Variants in EVC2 observed in about 807,000 individuals in gnomAD.
The protein encoded by EVC2 is limbin.
In EVC2, 148 loss-of-function variants were observed where a neutral mutation model predicts 149.3. That is an observed-to-expected ratio of 0.99 (90% CI 0.87 to 1.14). The LOEUF (loss-of-function observed/expected upper bound fraction) is 1.14. Among genes scored for constraint, EVC2 ranks in the 50% most tolerant of loss-of-function variants. The pLI is 0.00. For synonymous variants in EVC2, 776 were observed against 649.9 expected, an observed-to-expected ratio of 1.19 and a Z score of -2.95; for missense variants, 1,854 against 1,627.3, an observed-to-expected ratio of 1.14 and a Z score of -2.40.
At chr4:5,583,736 GT>G (rs1325450838) in intron 17 of EVC2, among the ~76,000 whole-genome samples, 1 of 147,386 alleles carries the variant, frequency 6.8e-6, no homozygotes, top group Non-Finnish European at 1.5e-5. Context: ...TTTTTTAATG[GT>G]TGCTCTTGCC....
chr4:5,591,354 C>T (rs1033555291), intron 16 of EVC2, among the ~76,000 whole-genome samples: 1 of 152,164 alleles, frequency 6.6e-6, no homozygotes, highest in African/African-American at 2.4e-5. Flanking sequence ...GTCTCCTTCC[C>T]AAATTTATGA....
chr4:5,578,572 C>T (rs754439972), intron 17 of EVC2, among the ~76,000 whole-genome samples: 17 of 152,218 alleles, frequency 1.1e-4, no homozygotes, highest in Non-Finnish European at 2.4e-4. Flanking sequence ...TCAGCTCTAA[C>T]GCCCCTAGTA....
intron 8 of EVC2, among the ~76,000 whole-genome samples, chr4:5,663,641 T>G (rs569111142): frequency 1.3e-5 from 2 of 152,028 alleles, no homozygotes. Context: ...TAGGATTGAG[T>G]GGGGCGTGGT....
intron 1 of EVC2, among the ~76,000 whole-genome samples, chr4:5,706,361 G>T: frequency 1.4e-5 from 1 of 73,554 alleles, no homozygotes; most frequent in South Asian, 4.1e-4. Context: ...TAGACACATA[G>T]ATAGATACAT....
At chr4:5,559,425 T>C (rs938511956), downstream of EVC2, among the ~76,000 whole-genome samples, 1 of 152,304 alleles carries the variant, frequency 6.6e-6, no homozygotes, top group Non-Finnish European at 1.5e-5. The surrounding 1 kb of genome is among the most constrained non-coding windows in gnomAD (Gnocchi z 5.0). Flanking sequence ...AATACTCCAG[T>C]AGCAATAAGC....
At chr4:5,585,339 T>C (rs1329006077) in intron 16 of EVC2, among the ~76,000 whole-genome samples, 1 of 152,182 alleles carries the variant, frequency 6.6e-6, no homozygotes, top group Non-Finnish European at 1.5e-5. Flanking sequence ...GTTTGTGCTC[T>C]TTGCAGTGAT....
downstream of EVC2, among the ~76,000 whole-genome samples, chr4:5,540,959 T>C (rs1376722170): frequency 2.0e-5 from 3 of 152,156 alleles, no homozygotes; most frequent in African/African-American, 7.2e-5. Context: ...AGAAGCCCTT[T>C]AGGTTTTAGG....
At position 5,689,144 on chromosome 4, in the gene EVC2, G is replaced by T; in HGVS notation, c.706+13C>A. On this transcript the variant is annotated intron_variant, in intron 5 of 21. Transcript: ENST00000344408. ...CATTTGTCATCCCTGACTTCAGAAC[G>T]CTTTGCTGTTACCTTGCAGAAACTT... 1 of 1,613,776 alleles carries T rather than the reference G, an allele frequency of 6.2e-7. No homozygotes were observed.
At chr4:5,645,871 T>A (rs531001617) in intron 9 of EVC2, among the ~76,000 whole-genome samples, 1 of 152,328 alleles carries the variant, frequency 6.6e-6, no homozygotes, top group African/African-American at 2.4e-5. Context: ...TAGTTTACAG[T>A]CCCATCAACA....
intron 1 of EVC2, among the ~76,000 whole-genome samples, chr4:5,699,880 C>T (rs1044201579): frequency 6.6e-6 from 1 of 152,052 alleles, no homozygotes; most frequent in Non-Finnish European, 1.5e-5. Flanking sequence ...GTGGCTCACG[C>T]CTGTAATCCC....
chr4:5,628,459 A>G (rs563932282), intron 12 of EVC2, 100 bp downstream of exon 12: 2 of 1,452,638 alleles, frequency 1.4e-6, no homozygotes, highest in South Asian at 2.4e-5. Flanking sequence ...AACCAAATAT[A>G]TCTCTTCTAT....
chr4:5,563,190 G>T, intron 21 of EVC2, 75 bp from the exon 22 acceptor site: 1 of 1,434,460 alleles, frequency 7.0e-7, no homozygotes, highest in East Asian at 2.3e-5. Flanking sequence ...TTCTCCAAGA[G>T]AATCCCTCCT....
At chr4:5,577,863 T>C (rs1723028075) in intron 17 of EVC2, among the ~76,000 whole-genome samples, 1 of 152,146 alleles carries the variant, frequency 6.6e-6, no homozygotes, top group Admixed American at 6.5e-5. Context: ...CAGTGTATGC[T>C]GTCATGCTGT....
At chr4:5,538,776 T>G (rs887610102), downstream of EVC2, among the ~76,000 whole-genome samples, 2 of 152,216 alleles carry the variant, frequency 1.3e-5, no homozygotes, top group Non-Finnish European at 2.9e-5. Context: ...AATGTCCATT[T>G]CTGATTAAAA....
Position 5,584,709 on chromosome 4 carries a change from T to G in EVC2, c.2971A>C (p.Ile991Leu). Reference protein sequence around the residue: ...TLSAYTALLSIQDLLLEELSA... With the variant: ...TLSAYTALLSLQDLLLEELSA... ...AGCTCTTCCAGGAGCAAGTCCTGGA[T>G]GCTGAGGAGGGCGGTGTAGGCCGAC... The change falls in exon 17 of 22, where the codon ATC becomes CTC. Residue 991 changes from isoleucine (I) to leucine (L), a missense_variant. By Grantham distance (5) the Ile-to-Leu change is conservative (BLOSUM62 2). Transcript: ENST00000344408. 1 of 1,614,094 alleles carries G rather than the reference T, an allele frequency of 6.2e-7. No homozygotes were observed. The highest frequency in any genetic ancestry group is 2.2e-5 in the East Asian group (1 of 44,870).
Position 5,636,830 on chromosome 4 carries a change from T to C in EVC2, c.1470+3684A>G, listed in dbSNP as rs1716916925. Among the ~76,000 whole-genome samples the C allele has an allele frequency of 6.6e-6, 1 of 152,214 alleles. No homozygotes were observed. The highest frequency in any genetic ancestry group is 6.5e-5 in the Admixed American group (1 of 15,282). ...TATTTTTATGTATTTTATTTAAAGA[T>C]GACTATAACACATGATGGATAATTA... On this transcript the variant is annotated intron_variant, in intron 10 of 21. Coordinates refer to ENST00000344408, the MANE Select transcript of EVC2 (RefSeq NM_147127.5). This position sits in a 1 kb window ranked among gnomAD's most constrained non-coding sequence, Gnocchi z 4.6.
In EVC2 at chr4:5,657,555, C is replaced by A. The variant is rs968913568; in HGVS notation, c.1145+5552G>T. Among the ~76,000 whole-genome samples, 9 of 151,644 alleles carry A rather than the reference C, an allele frequency of 5.9e-5. No homozygotes were observed. Among genetic ancestry groups the A allele is most frequent in the African/African-American group, 1.7e-4 (7 of 41,248 alleles). ...TCATCCTAATCTTTGCTATCATGTA[C>A]CTTATAGCCTCAAATTTTCTCTGCA... On this transcript the variant is annotated intron_variant, in intron 9 of 21. Transcript: ENST00000344408. The surrounding 1 kb of genome is among the most constrained non-coding windows in gnomAD (Gnocchi z 4.7).
In EVC2 at chr4:5,625,791, G is replaced by T; in HGVS notation, c.2004C>A (p.His668Gln). The change falls in exon 13 of 22, where the codon CAC becomes CAA. Residue 668 changes from histidine to glutamine, a missense_variant. His to Gln is a conservative substitution (Grantham distance 24). Coordinates refer to ENST00000344408, the MANE Select transcript of EVC2 (RefSeq NM_147127.5). The surrounding 1 kb of genome is among the most constrained non-coding windows in gnomAD (Gnocchi z 4.0). ...NDLKQEKKKL[H>Q]QKLITKRRRE... ...GTCTTCTCTTAGTTATTAATTTTTG[G>T]TGGAGCTTTTTCTTTTCCTGCTTTA... 1 of 1,614,048 alleles carries T rather than the reference G, an allele frequency of 6.2e-7. No individual in the cohort carries two copies. The highest frequency in any genetic ancestry group is 8.5e-7 in the Non-Finnish European group (1 of 1,180,020).
At chr4:5,573,458 T>C (rs1220806787) in intron 19 of EVC2, among the ~76,000 whole-genome samples, 1 of 152,096 alleles carries the variant, frequency 6.6e-6, no homozygotes, top group Non-Finnish European at 1.5e-5. Context: ...AGCCAAGGAA[T>C]GTAGGTGCCA....
Sources: gnomAD v4.1 joint callset for allele counts (sites outside exome capture counted in the v4.1 genomes callset) on GRCh38, gnomAD v4.1.1 for gene constraint, Gnocchi (gnomAD v3.1) non-coding constraint, MANE v1.5 for transcripts, NCBI Gene and HGNC (gene_info 2026-07-23, HGNC 2026-07-21) for gene names.